ZNF469: variants seen among roughly 807,000 people sequenced by gnomAD.
ZNF469 encodes the protein zinc finger protein 469.
A neutral mutation model predicts 1.0 loss-of-function variants in ZNF469; 1 was observed. The ratio of observed to expected loss-of-function variants is 1.00; its 90% CI spans 0.35 to 4.73. The LOEUF (loss-of-function observed/expected upper bound fraction) is 4.73. ZNF469 is among the 30% of genes most tolerant of loss of function. The pLI, the probability that ZNF469 is intolerant of heterozygous loss-of-function variation, is 0.16. For synonymous variants in ZNF469, 2,703 were observed against 2,363.4 expected, an observed-to-expected ratio of 1.14 and a Z score of -4.17; for missense variants, 6,100 against 5,356.3, an observed-to-expected ratio of 1.14 and a Z score of -4.33.
rs563480285 is a variant in ZNF469, at chr16:88,427,962, G to C, written c.492G>C (p.Pro164=). The change falls in exon 3 of 3, where the codon CCG becomes CCC. Residue 164 remains proline, a synonymous_variant. Coordinates refer to ENST00000565624, the MANE Select transcript of ZNF469 (RefSeq NM_001367624.2). ...CTGGGACTGGAGCTCCACTCAGGCC[G>C]GGCCTCCCAAGGACTGAGGCCCAAC... ...QGPGTGAPLR[P]GLPRTEAQPA... is the part of the protein sequence containing the mutation. 1.3e-6 allele frequency: 2 copies of C among 1,549,948 alleles called. No homozygotes were observed. Among genetic ancestry groups the C allele is most frequent in the Admixed American group, 2.0e-5 (1 of 50,992 alleles).
the ZNF469 span, among the ~76,000 whole-genome samples, chr16:88,355,196 C>T: frequency 3.9e-5 from 6 of 152,184 alleles, no homozygotes; most frequent in Admixed American, 6.5e-5. Flanking sequence ...CTATCACGCC[C>T]CCTCCCAGAG....
chr16:88,167,683 T>A, the ZNF469 span, among the ~76,000 whole-genome samples: 3 of 152,070 alleles, frequency 2.0e-5, no homozygotes, highest in Admixed American at 1.3e-4. Context: ...CAGGAGCCAC[T>A]CCGCTGCGTT....
the ZNF469 span, among the ~76,000 whole-genome samples, chr16:88,193,129 G>A: frequency 1.3e-4 from 3 of 23,510 alleles, no homozygotes; most frequent in Non-Finnish European, 2.7e-4. Context: ...GGTGGTGGTG[G>A]TGATGGTGGT....
the ZNF469 span, among the ~76,000 whole-genome samples, chr16:88,342,931 G>A: frequency 6.6e-6 from 1 of 152,222 alleles, no homozygotes; most frequent in Non-Finnish European, 1.5e-5. Context: ...CACCTGGAGG[G>A]GCACAGGGGC....
chr16:88,186,389 G>C, the ZNF469 span, among the ~76,000 whole-genome samples: 28 of 152,328 alleles, frequency 1.8e-4, no homozygotes, highest in East Asian at 4.6e-3. Flanking sequence ...TCTGGAAACA[G>C]AGCTGCTCCT....
chr16:88,439,492 A>G lies in ZNF469; in HGVS notation c.*160A>G, dbSNP rs1906854882. The G allele has an allele frequency of 1.2e-6, 1 of 823,938 alleles. No individual in the cohort carries two copies. The highest frequency in any genetic ancestry group is 1.9e-6 in the Non-Finnish European group (1 of 518,248). 51.0% of individuals were successfully genotyped at this position (823,938 alleles called of 1,614,324 possible). On this transcript the variant is annotated 3_prime_UTR_variant, in exon 3 of 3. Transcript: ENST00000565624. ...CAGAGCTGAGGTGGTGATGCTTTGA[A>G]CAGGGCCCAGGTGGGCAGCATTCCC...
the ZNF469 span, among the ~76,000 whole-genome samples, chr16:88,245,163 G>C: frequency 1.3e-5 from 2 of 152,176 alleles, no homozygotes; most frequent in African/African-American, 4.8e-5. Flanking sequence ...TGTTCTGAGG[G>C]GATCAAGTCC....
the ZNF469 span, among the ~76,000 whole-genome samples, chr16:88,149,371 C>G: frequency 6.6e-6 from 1 of 152,174 alleles, no homozygotes; most frequent in African/African-American, 2.4e-5. Context: ...AAGACCAAAG[C>G]CGTCCAGCCG....
intron 1 of ZNF469, among the ~76,000 whole-genome samples, 117 bp downstream of exon 1, chr16:88,383,371 C>G (rs2092530301): frequency 6.8e-6 from 1 of 147,680 alleles, no homozygotes; most frequent in Non-Finnish European, 1.5e-5. Flanking sequence ...CGCTCCTGCG[C>G]CCTCGGGGGC....
chr16:88,139,670 T>C, the ZNF469 span, among the ~76,000 whole-genome samples: 1 of 151,304 alleles, frequency 6.6e-6, no homozygotes, highest in Non-Finnish European at 1.5e-5. Flanking sequence ...ATGAAGAAAA[T>C]TGCTGTGAAA....
At chr16:88,229,923 G>A in the ZNF469 span, among the ~76,000 whole-genome samples, 7 of 152,136 alleles carry the variant, frequency 4.6e-5, no homozygotes, top group East Asian at 1.9e-4. Flanking sequence ...TGGCTCTCCC[G>A]GGGGCGCGCT....
chr16:88,204,044 C>T, the ZNF469 span, among the ~76,000 whole-genome samples: 3 of 149,534 alleles, frequency 2.0e-5, no homozygotes, highest in Admixed American at 2.0e-4. Context: ...TGGGAGGTGC[C>T]CCGTAACCCC....
chr16:88,397,865 C>G (rs7193543), intron 1 of ZNF469, among the ~76,000 whole-genome samples: 39,125 of 152,072 alleles, frequency 0.26, 5,642 homozygotes, highest in African/African-American at 0.39. Flanking sequence ...CTGGGAGTGA[C>G]AGTCGAGGTC....
At chr16:88,313,773 T>G in the ZNF469 span, among the ~76,000 whole-genome samples, 6 of 151,776 alleles carry the variant, frequency 4.0e-5, no homozygotes, top group Non-Finnish European at 7.4e-5. Flanking sequence ...GACTGTCATC[T>G]CTGTAATTCA....
At chr16:88,146,457 C>T in the ZNF469 span, among the ~76,000 whole-genome samples, 1 of 152,140 alleles carries the variant, frequency 6.6e-6, no homozygotes, top group Non-Finnish European at 1.5e-5. Context: ...CCGGGTCTCA[C>T]GCCCCCAGGT....
At chr16:88,372,097 A>C in the ZNF469 span, among the ~76,000 whole-genome samples, 2 of 129,724 alleles carry the variant, frequency 1.5e-5, no homozygotes, top group Admixed American at 7.5e-5. Context: ...CACCATCACC[A>C]CCATCATCAC....
At chr16:88,253,823 A>G in the ZNF469 span, among the ~76,000 whole-genome samples, 4 of 152,094 alleles carry the variant, frequency 2.6e-5, no homozygotes, top group East Asian at 7.7e-4. Context: ...ACAGGCGTGC[A>G]CCACCGCGCC....
the ZNF469 span, among the ~76,000 whole-genome samples, chr16:88,335,561 GA>G: frequency 6.6e-6 from 1 of 152,238 alleles, no homozygotes; most frequent in South Asian, 2.1e-4. Context: ...AGGGGCCTCT[GA>G]TGACCCAGCC....
At chr16:88,409,661 A>T (rs1486083762) in intron 1 of ZNF469, among the ~76,000 whole-genome samples, 1 of 152,206 alleles carries the variant, frequency 6.6e-6, no homozygotes, top group Non-Finnish European at 1.5e-5. Flanking sequence ...ACTCACAGAC[A>T]CTTTTTGAAT....
Sources: allele counts gnomAD v4.1 joint callset (sites outside exome capture counted in the v4.1 genomes callset), GRCh38; gene constraint gnomAD v4.1.1; transcripts MANE v1.5; gene names NCBI Gene and HGNC (gene_info 2026-07-23, HGNC 2026-07-21).